RUBCN: variants seen among roughly 807,000 people sequenced by gnomAD.
RUBCN encodes rubicon autophagy regulator.
RUBCN carries 74 observed loss-of-function variants against 113.2 expected under a neutral mutation model. The ratio of observed to expected loss-of-function variants is 0.65; its 90% CI spans 0.54 to 0.79. The LOEUF is 0.79. Among genes scored for constraint, RUBCN ranks in the 30% least tolerant of loss-of-function variants. The probability of loss-of-function intolerance (pLI) is 0.00; values close to 1 mark genes in which losing one functional copy is unlikely to be tolerated. For missense variants in RUBCN, 1,109 were observed against 1,251.7 expected (o/e 0.89, Z 1.72); for synonymous variants, 480 against 490.0 (o/e 0.98, Z 0.27).
At chr3:197,694,663 G>A in intron 9 of RUBCN, 78 bp from the exon 10 acceptor site, 1 of 1,308,938 alleles carries the variant, frequency 7.6e-7, no homozygotes, top group Non-Finnish European at 1.1e-6. Context: ...GGAAAAGGGA[G>A]TTTCCAAGAT....
intron 1 of RUBCN, among the ~76,000 whole-genome samples, chr3:197,725,995 C>T (rs1726702593): frequency 6.6e-6 from 1 of 152,160 alleles, no homozygotes; most frequent in South Asian, 2.1e-4. Flanking sequence ...CAGAGCTCTC[C>T]ACCTGGAATG....
At chr3:197,679,073 C>A (rs1419003870) in intron 16 of RUBCN, among the ~76,000 whole-genome samples, 1 of 151,494 alleles carries the variant, frequency 6.6e-6, no homozygotes, top group East Asian at 2.0e-4. Context: ...TGACAACTGG[C>A]TTCAGACTGT....
In RUBCN at chr3:197,681,564, G is replaced by A. The variant is rs1020378722; in HGVS notation, c.2192-197C>T. Among the ~76,000 whole-genome samples the A allele has an allele frequency of 6.6e-6, 1 of 152,168 alleles. No homozygotes were observed. Among genetic ancestry groups the A allele is most frequent in the Admixed American group, 6.5e-5 (1 of 15,290 alleles). ...TAATGTCCTACCTTGGAGGCCCTGA[G>A]GAAATAAAACCAGCTGGAGATAGTA... On this transcript the variant is annotated intron_variant, in intron 15 of 19. Coordinates refer to ENST00000296343, the MANE Select transcript of RUBCN (RefSeq NM_014687.4). The surrounding 1 kb of genome is among the most constrained non-coding windows in gnomAD (Gnocchi z 5.5).
intron 2 of RUBCN, among the ~76,000 whole-genome samples, chr3:197,708,863 C>T (rs1204684546): frequency 6.6e-6 from 1 of 152,076 alleles, no homozygotes; most frequent in African/African-American, 2.4e-5. Context: ...AAAGGTAAGT[C>T]ACTATAAAGA....
intron 2 of RUBCN, among the ~76,000 whole-genome samples, chr3:197,708,554 C>CA (rs113534449): frequency 0.05 from 3,758 of 74,430 alleles, 92 homozygotes; most frequent in Middle Eastern, 0.092. Context: ...GTGGTAGACT[C>CA]AAAAAAAAAA....
intron 1 of RUBCN, among the ~76,000 whole-genome samples, chr3:197,722,014 G>A (rs530336571): frequency 2.9e-4 from 44 of 152,140 alleles, no homozygotes; most frequent in African/African-American, 9.2e-4. Flanking sequence ...CGAGGTGGGC[G>A]GATCACTTGA....
intron 11 of RUBCN, among the ~76,000 whole-genome samples, chr3:197,688,651 G>GA (rs1722105254): frequency 6.6e-6 from 1 of 152,066 alleles, no homozygotes; most frequent in Non-Finnish European, 1.5e-5. Context: ...TGGAGATGGG[G>GA]AAAAAAATAG....
rs762665930 is a variant in RUBCN, at chr3:197,746,306, A to C, written c.-116+2963T>G. On this transcript the variant is annotated intron_variant, in intron 1 of 20. Coordinates refer to the RUBCN transcript ENST00000273582. ...AGGCAGAAACAGTTGTAACAATTTG[A>C]TTAGTTTAACTTGCTACATTCCAAG... Among the ~76,000 whole-genome samples, 6 of 152,320 alleles carry C rather than the reference A, an allele frequency of 3.9e-5. No homozygotes were observed. In the East Asian group the frequency reaches 7.7e-4, roughly 20 times the overall value.
At chr3:197,687,992 G>A (rs536472414) in intron 11 of RUBCN, among the ~76,000 whole-genome samples, 88 of 152,144 alleles carry the variant, frequency 5.8e-4, no homozygotes, top group African/African-American at 2.1e-3. Flanking sequence ...TCAGCCCCAG[G>A]GATAGTGACT....
intron 11 of RUBCN, among the ~76,000 whole-genome samples, chr3:197,690,508 G>A (rs1722310673): frequency 6.6e-6 from 1 of 152,206 alleles, no homozygotes; most frequent in Non-Finnish European, 1.5e-5. Context: ...GTAGAAAACT[G>A]CTACTTTCTT....
chr3:197,725,817 C>T (rs536009712), intron 1 of RUBCN, among the ~76,000 whole-genome samples: 8 of 152,104 alleles, frequency 5.3e-5, no homozygotes, highest in Non-Finnish European at 8.8e-5. Context: ...ATGTCAGAAA[C>T]CTAACCACCA....
intron 1 of RUBCN, among the ~76,000 whole-genome samples, chr3:197,744,792 C>T (rs531611577): frequency 2.0e-5 from 3 of 152,082 alleles, no homozygotes; most frequent in Admixed American, 6.5e-5. Context: ...CAACAGAAAA[C>T]AGATCAGTAG....
chr3:197,700,068 C>A (rs1178432183), intron 7 of RUBCN, among the ~76,000 whole-genome samples: 1 of 152,196 alleles, frequency 6.6e-6, no homozygotes, highest in Non-Finnish European at 1.5e-5. Context: ...GAGGTCCCAG[C>A]TGCCAGGGCC....
At chr3:197,717,275 C>T (rs1224347719) in intron 2 of RUBCN, among the ~76,000 whole-genome samples, 1 of 152,064 alleles carries the variant, frequency 6.6e-6, no homozygotes, top group East Asian at 1.9e-4. Flanking sequence ...AACCCCGTCT[C>T]TACTAAAAAA....
At chr3:197,710,313 A>G (rs1724813060) in intron 2 of RUBCN, among the ~76,000 whole-genome samples, 2 of 152,178 alleles carry the variant, frequency 1.3e-5, no homozygotes, top group African/African-American at 2.4e-5. Flanking sequence ...AGAAATGTCA[A>G]AAGACGGCCG....
Position 197,700,462 on chromosome 3 carries a change from T to G in RUBCN, c.1261+151A>C, listed in dbSNP as rs1723516654. The G allele has an allele frequency of 5.7e-5, 40 of 700,680 alleles. 1 individual carries two copies. The South Asian group carries it at 7.3e-4, about 13-fold the overall frequency. The allele number at this position is 700,680 out of a possible 1,614,324, so 43.4% of individuals were successfully genotyped here. On this transcript the variant is annotated intron_variant, in intron 7 of 19. Coordinates refer to ENST00000296343, the MANE Select transcript of RUBCN (RefSeq NM_014687.4). ...CTTAGAGATTTTGAGTCTCAGTATT[T>G]CGTTATAAACTTCTTTCATTACAAA...
intron 2 of RUBCN, among the ~76,000 whole-genome samples, chr3:197,714,406 A>C (rs1580318133): frequency 1.3e-5 from 2 of 152,232 alleles, no homozygotes; most frequent in Non-Finnish European, 2.9e-5. Context: ...CTGGAGCCTC[A>C]ACCTCCCAGG....
intron 1 of RUBCN, among the ~76,000 whole-genome samples, chr3:197,730,744 CAT>C (rs1727329148): frequency 1.3e-5 from 2 of 151,754 alleles, no homozygotes; most frequent in Non-Finnish European, 2.9e-5. Flanking sequence ...GAATGAGAAA[CAT>C]ATGGCTGCTT....
At chr3:197,734,634 G>A (rs1016488334) in intron 1 of RUBCN, among the ~76,000 whole-genome samples, 6 of 152,088 alleles carry the variant, frequency 3.9e-5, no homozygotes, top group Admixed American at 3.9e-4. Context: ...ACAATTCCTG[G>A]CATGTGGTAA....
Sources: gnomAD v4.1 joint callset for allele counts (sites outside exome capture counted in the v4.1 genomes callset) on GRCh38, gnomAD v4.1.1 for gene constraint, Gnocchi (gnomAD v3.1) non-coding constraint, MANE v1.5 for transcripts, NCBI Gene and HGNC (gene_info 2026-07-23, HGNC 2026-07-21) for gene names.